Variants in CENPE observed in about 807,000 individuals in gnomAD.
CENPE encodes the protein centromere-associated protein E.
A neutral mutation model predicts 336.1 loss-of-function variants in CENPE; 145 were observed. The observed-to-expected ratio is 0.43, with a 90% CI of 0.38 to 0.50. The LOEUF (loss-of-function observed/expected upper bound fraction) is 0.50, where lower values mean the gene tolerates loss of function less well. CENPE is among the 20% of genes least tolerant of loss of function. The pLI, the probability that CENPE is intolerant of heterozygous loss-of-function variation, is 0.00. For missense variants in CENPE, 2,719 were observed against 3,023.3 expected (o/e 0.90, Z 2.36); for synonymous variants, 1,013 against 984.8 (o/e 1.03, Z -0.54).
In CENPE at chr4:103,159,035, G is replaced by C. The variant is rs1406251208; in HGVS notation, c.2576C>G (p.Ser859Trp). 1.0e-5 allele frequency: 16 copies of C among 1,533,632 alleles called. No individual in the cohort carries two copies. The highest frequency in any genetic ancestry group is 1.3e-5 in the Non-Finnish European group (15 of 1,147,564). Residue 859 changes from serine (S) to tryptophan (W), a missense_variant, in exon 22 of 49, where the codon TCG becomes TGG. By Grantham distance (177) the Ser-to-Trp change is radical (BLOSUM62 -3). Coordinates refer to ENST00000265148, the MANE Select transcript of CENPE (RefSeq NM_001813.3). ...CTCGGTCTTCAAAGCACCCAAACTC[G>C]AATCAAATTTTTGGGCTTCTTTAGA... ...NLSKEAQKFD[S>W]SLGALKTELS...
At position 103,194,736 on chromosome 4, in the gene CENPE, G is replaced by C. The variant is rs760146596; in HGVS notation, c.478-52C>G. On this transcript the variant is annotated intron_variant, in intron 5 of 48. Coordinates refer to ENST00000265148, the MANE Select transcript of CENPE (RefSeq NM_001813.3). ...TTAGAGAAATAGAAGTCACAAGTTT[G>C]CTTTTCAAAAGAAGGTGCAAACTAT... 6 of 1,436,104 alleles carry C rather than the reference G, an allele frequency of 4.2e-6. No individual in the cohort carries two copies. In the East Asian group the frequency reaches 1.2e-4, roughly 28 times the overall value. 89.0% of individuals were successfully genotyped at this position (1,436,104 alleles called of 1,614,324 possible).
intron 26 of CENPE, 143 bp from the exon 27 acceptor site, chr4:103,149,551 CTG>C: frequency 1.4e-6 from 1 of 728,310 alleles, no homozygotes; most frequent in East Asian, 2.8e-5. Flanking sequence ...GCATAAATGT[CTG>C]CAGTGGTTTG....
intron 24 of CENPE, 69 bp from the exon 25 acceptor site, chr4:103,153,319 T>C (rs373960428): frequency 7.2e-6 from 7 of 978,640 alleles, no homozygotes; most frequent in African/African-American, 4.9e-5. Context: ...ATAATAAAAA[T>C]AGCCAACACA....
chr4:103,174,923 A>AT lies in CENPE; in HGVS notation c.1480-21dup, dbSNP rs1454346649. 4 of 1,367,234 alleles carry AT rather than the reference A, an allele frequency of 2.9e-6. No individual in the cohort carries two copies. The highest frequency in any genetic ancestry group is 3.8e-6 in the Non-Finnish European group (4 of 1,040,926). The allele number at this position is 1,367,234 out of a possible 1,614,324, so 84.7% of individuals were successfully genotyped here. ...ATTCTCCTATTATAAACAAGAACAGATTTTCCAATCAGAAAATTCAAATAT... is the reference window on the plus strand; with the variant it reads ...ATTCTCCTATTATAAACAAGAACAGATTTTTCCAATCAGAAAATTCAAATAT... On this transcript the variant is annotated intron_variant, in intron 15 of 48. Transcript: ENST00000265148.
intron 48 of CENPE, among the ~76,000 whole-genome samples, chr4:103,107,623 C>T (rs1361406728): frequency 6.6e-6 from 1 of 152,178 alleles, no homozygotes; most frequent in African/African-American, 2.4e-5. Context: ...TGCAAGTCCC[C>T]CCACTTCTGT....
chr4:103,151,179 G>T, intron 26 of CENPE, 40 bp downstream of exon 26: 1 of 1,565,868 alleles, frequency 6.4e-7, no homozygotes, highest in Non-Finnish European at 8.6e-7. Context: ...AAAAAGTTTA[G>T]TTAGAAAAAA....
chr4:103,129,197 A>G (rs1465358993), intron 42 of CENPE, among the ~76,000 whole-genome samples: 3 of 152,208 alleles, frequency 2.0e-5, no homozygotes, highest in Non-Finnish European at 4.4e-5. Flanking sequence ...GCCTATATCT[A>G]TCAAAGAAAT....
At position 103,174,172 on chromosome 4, in the gene CENPE, T is replaced by TA. The variant is rs201538196; in HGVS notation, c.1647+563dup. On this transcript the variant is annotated intron_variant, in intron 16 of 48. Transcript: ENST00000265148. The stretch of plus-strand genomic sequence containing the variant: ...CACAATGGAATATTCTTCAGCTATT[T>TA]AAAAAAAAAAAAAGAAATCCTACCA... Among the ~76,000 whole-genome samples the TA allele has an allele frequency of 8.5e-3, 1,220 of 143,116 alleles. 19 individuals carry two copies. The highest frequency in any genetic ancestry group is 0.029 in the African/African-American group (1,115 of 39,074). 93.9% of individuals were successfully genotyped at this position (143,116 alleles called of 152,430 possible).
chr4:103,163,170 T>C lies in CENPE; in HGVS notation c.1809A>G (p.Leu603=). The part of the protein sequence containing the change: ...KLQEYIDSQK[L]ENIKMDLSYS... The stretch of plus-strand genomic sequence containing the variant: ...ATGACAAGTCCATTTTTATATTTTC[T>C]AGCTTTTGAGAGTCTATGTATTCCT... The change falls in exon 18 of 49, where the codon CTA becomes CTG. Residue 603 remains leucine, a synonymous_variant. Transcript: ENST00000265148. The C allele has an allele frequency of 1.2e-6, 2 of 1,610,340 alleles. No individual in the cohort carries two copies. Among genetic ancestry groups the C allele is most frequent in the South Asian group, 1.1e-5 (1 of 90,742 alleles).
At chr4:103,174,625 A>G in intron 16 of CENPE, 111 bp downstream of exon 16, 2 of 712,864 alleles carry the variant, frequency 2.8e-6, no homozygotes, top group Non-Finnish European at 4.3e-6. Context: ...AACACATAAA[A>G]TGTTATCTGT....
chr4:103,128,767 A>G (rs1170631627), intron 42 of CENPE, among the ~76,000 whole-genome samples: 1 of 152,198 alleles, frequency 6.6e-6, no homozygotes, highest in Non-Finnish European at 1.5e-5. Context: ...TACCAGTATT[A>G]GAAAAGAGGA....
intron 10 of CENPE, 70 bp from the exon 11 acceptor site, chr4:103,182,961 A>T: frequency 6.9e-7 from 1 of 1,457,522 alleles, no homozygotes. Context: ...TTGGTTTTTA[A>T]TGCAGAACTC....
rs11931693 is a variant in CENPE at position 103,176,704 on chromosome 4, C to T, written c.1390+195G>A. Among the ~76,000 whole-genome samples, 9,979 of 152,140 alleles carry T rather than the reference C, an allele frequency of 0.066. 1,077 individuals carry two copies. The highest frequency in any genetic ancestry group is 0.23 in the African/African-American group (9,370 of 41,482). ...CCTCCCAAGTAGCCGGGATTACAGG[C>T]GCCTGCAACCACGCACAGCTAGTTT... On this transcript the variant is annotated intron_variant, in intron 14 of 48. Coordinates refer to ENST00000265148, the MANE Select transcript of CENPE (RefSeq NM_001813.3).
At chr4:103,157,975 G>T (rs1754097377) in intron 24 of CENPE, among the ~76,000 whole-genome samples, 1 of 151,770 alleles carries the variant, frequency 6.6e-6, no homozygotes, top group Non-Finnish European at 1.5e-5. Context: ...TGAAACCCTG[G>T]TATAACGTTA....
In CENPE at chr4:103,146,217, T is replaced by G. The variant is rs1334193336; in HGVS notation, c.4135-110A>C. 17 of 941,654 alleles carry G rather than the reference T, an allele frequency of 1.8e-5. No individual in the cohort carries two copies. The East Asian group carries it at 4.3e-4, about 24-fold the overall frequency. 58.3% of individuals were successfully genotyped at this position (941,654 alleles called of 1,614,324 possible). A position where few individuals can be genotyped will look rare whatever the true frequency, so the allele number is the denominator to read the frequency against. On this transcript the variant is annotated intron_variant, in intron 29 of 48. Coordinates refer to ENST00000265148, the MANE Select transcript of CENPE (RefSeq NM_001813.3). ...ATTAAGGCAGGATTCAGTGCCTCAT[T>G]TACAGAGCAATCTCTCCATTCTCCC...
At chr4:103,174,088 T>C (rs2126003818) in intron 16 of CENPE, among the ~76,000 whole-genome samples, 1 of 151,662 alleles carries the variant, frequency 6.6e-6, no homozygotes, top group African/African-American at 2.4e-5. Context: ...AGCCAAGATA[T>C]GGAACCAACC....
intron 38 of CENPE, 91 bp from the exon 39 acceptor site, chr4:103,138,540 T>C: frequency 1.2e-6 from 1 of 809,712 alleles, no homozygotes; most frequent in African/African-American, 1.7e-5. Flanking sequence ...TACATGACAT[T>C]TCAATAATGG....
intron 42 of CENPE, among the ~76,000 whole-genome samples, chr4:103,126,008 G>A (rs1468951991): frequency 1.3e-5 from 2 of 152,128 alleles, no homozygotes; most frequent in African/African-American, 4.8e-5. Flanking sequence ...AGGCAGAGAG[G>A]CAGATACAGA....
chr4:103,163,608 C>CAAAAAAAAAACAAAAAA (rs1754650517), intron 16 of CENPE, 55 bp from the exon 17 acceptor site: 1 of 280,022 alleles, frequency 3.6e-6, no homozygotes, highest in Non-Finnish European at 6.0e-6. Context: ...TAAAGCAAAG[C>CAAAAAAAAAACAAAAAA]AAAAAAAAAA....
Sources: gnomAD v4.1 joint callset for allele counts (sites outside exome capture counted in the v4.1 genomes callset) on GRCh38, gnomAD v4.1.1 for gene constraint, MANE v1.5 for transcripts, NCBI Gene and HGNC (gene_info 2026-07-23, HGNC 2026-07-21) for gene names.